The following PLCB1 variants were observed in gnomAD, a reference collection of about 807,000 sequenced individuals.
PLCB1 encodes phospholipase C beta 1, also known as 1-phosphatidylinositol 4,5-bisphosphate phosphodiesterase beta-1.
PLCB1 carries 46 observed loss-of-function variants against 161.8 expected under a neutral mutation model. The observed-to-expected ratio is 0.28, with a 90% CI of 0.22 to 0.36. PLCB1 has a LOEUF of 0.36. PLCB1 is among the 10% of genes least tolerant of loss of function. The pLI is 1.00. For missense variants in PLCB1, 1,016 were observed against 1,472.5 expected (o/e 0.69, Z 5.07); for synonymous variants, 517 against 503.7 (o/e 1.03, Z -0.35).
intron 3 of PLCB1, among the ~76,000 whole-genome samples, chr20:8,555,876 T>C (rs73897106): frequency 0.099 from 15,117 of 152,104 alleles, 967 homozygotes; most frequent in East Asian, 0.18. Flanking sequence ...AAAGATGGAA[T>C]CAATTTTTTC....
At chr20:8,491,689 A>G (rs1364188313) in intron 3 of PLCB1, among the ~76,000 whole-genome samples, 1 of 152,106 alleles carries the variant, frequency 6.6e-6, no homozygotes, top group Non-Finnish European at 1.5e-5. Flanking sequence ...CTGTTTTCCA[A>G]TATTCTTTTC....
At chr20:8,839,546 A>T (rs1203110968) in intron 31 of PLCB1, among the ~76,000 whole-genome samples, 2 of 152,126 alleles carry the variant, frequency 1.3e-5, no homozygotes, top group African/African-American at 4.8e-5. Context: ...GCTTGGAAGT[A>T]GATCTTAACA....
At chr20:8,237,585 G>A (rs1044897840) in intron 2 of PLCB1, among the ~76,000 whole-genome samples, 4 of 151,956 alleles carry the variant, frequency 2.6e-5, no homozygotes, top group African/African-American at 4.8e-5. Flanking sequence ...TTTTACAATG[G>A]ACATTTTGTT....
At chr20:8,579,043 A>G (rs935210913) in intron 3 of PLCB1, among the ~76,000 whole-genome samples, 1 of 152,196 alleles carries the variant, frequency 6.6e-6, no homozygotes, top group African/African-American at 2.4e-5. Context: ...TTTAAGTTAT[A>G]CTTGCTGCTA....
intron 3 of PLCB1, among the ~76,000 whole-genome samples, chr20:8,562,361 A>G (rs1986169952): frequency 6.6e-6 from 1 of 152,118 alleles, no homozygotes; most frequent in South Asian, 2.1e-4. Context: ...GTCGTGGTTA[A>G]GAGCTGCTGC....
chr20:8,548,363 T>A (rs1038045873), intron 3 of PLCB1, among the ~76,000 whole-genome samples: 2 of 148,736 alleles, frequency 1.3e-5, no homozygotes, highest in African/African-American at 5.0e-5. Context: ...TTTGTCTCTC[T>A]CCTTCTTTCC....
At chr20:8,172,082 G>C (rs2051738364) in intron 2 of PLCB1, among the ~76,000 whole-genome samples, 1 of 152,112 alleles carries the variant, frequency 6.6e-6, no homozygotes. Flanking sequence ...TCTATGTATA[G>C]GAATGTGCAC....
intron 2 of PLCB1, among the ~76,000 whole-genome samples, chr20:8,289,671 G>T (rs1983293258): frequency 6.6e-6 from 1 of 152,164 alleles, no homozygotes; most frequent in African/African-American, 2.4e-5. Flanking sequence ...AAGTCAGGTT[G>T]ACCAGGCTAA....
intron 4 of PLCB1, among the ~76,000 whole-genome samples, chr20:8,630,809 A>G (rs1486846031): frequency 6.6e-6 from 1 of 152,284 alleles, no homozygotes; most frequent in East Asian, 1.9e-4. Flanking sequence ...TTACACATCA[A>G]TCTGCATATC....
At chr20:8,357,582 C>T (rs569435422) in intron 2 of PLCB1, among the ~76,000 whole-genome samples, 9 of 151,518 alleles carry the variant, frequency 5.9e-5, no homozygotes, top group African/African-American at 1.7e-4. Flanking sequence ...CTGGGGGGGC[C>T]GAGCGAGGAG....
chr20:8,411,829 G>A (rs1310342927), intron 3 of PLCB1, among the ~76,000 whole-genome samples: 2 of 152,146 alleles, frequency 1.3e-5, no homozygotes, highest in East Asian at 3.9e-4. Context: ...TTTGAGACCA[G>A]CCTGACCAAC....
chr20:8,654,904 A>T (rs6108171), intron 7 of PLCB1, among the ~76,000 whole-genome samples: 51,361 of 151,870 alleles, frequency 0.34, 10,038 homozygotes, highest in African/African-American at 0.54. Flanking sequence ...TCATCTCAGC[A>T]TTTAATGATG....
intron 3 of PLCB1, among the ~76,000 whole-genome samples, chr20:8,620,046 C>G (rs902199472): frequency 2.0e-5 from 3 of 152,106 alleles, no homozygotes; most frequent in Non-Finnish European, 4.4e-5. Flanking sequence ...AACTTGTATT[C>G]CCTGAGCTTC....
intron 3 of PLCB1, among the ~76,000 whole-genome samples, chr20:8,548,317 CCA>C (rs1985639966): frequency 1.5e-5 from 2 of 134,792 alleles, no homozygotes; most frequent in African/African-American, 5.5e-5. Flanking sequence ...TTCCTTCCTT[CCA>C]TCATTTTTTC....
intron 3 of PLCB1, among the ~76,000 whole-genome samples, chr20:8,451,847 A>G (rs1054269336): frequency 1.5e-5 from 2 of 133,828 alleles, no homozygotes; most frequent in African/African-American, 5.7e-5. Flanking sequence ...TCTTTCTTCC[A>G]TCTCCCTCTT....
intron 3 of PLCB1, among the ~76,000 whole-genome samples, chr20:8,593,077 A>G (rs1035860402): frequency 9.2e-5 from 14 of 152,084 alleles, no homozygotes; most frequent in Admixed American, 9.2e-4. Context: ...CCAAGCCCAG[A>G]TATTTTTGCC....
At chr20:8,608,304 T>A (rs1415661504) in intron 3 of PLCB1, among the ~76,000 whole-genome samples, 1 of 152,168 alleles carries the variant, frequency 6.6e-6, no homozygotes, top group Non-Finnish European at 1.5e-5. Flanking sequence ...ACAGGCAAAT[T>A]TAAAATTTCT....
chr20:8,308,911 C>T (rs775900081), intron 2 of PLCB1, among the ~76,000 whole-genome samples: 2 of 151,852 alleles, frequency 1.3e-5, no homozygotes, highest in African/African-American at 4.8e-5. Context: ...GATAGGGACT[C>T]ATAGATTTTT....
At chr20:8,836,451 G>C (rs1006161402) in intron 31 of PLCB1, among the ~76,000 whole-genome samples, 1 of 75,858 alleles carries the variant, frequency 1.3e-5, no homozygotes. Flanking sequence ...CTGTCTCTCT[G>C]GAGAACCAAG....
Sources: allele counts gnomAD v4.1 joint callset (sites outside exome capture counted in the v4.1 genomes callset), GRCh38; gene constraint gnomAD v4.1.1; transcripts MANE v1.5; gene names NCBI Gene and HGNC (gene_info 2026-07-23, HGNC 2026-07-21).